ZNF212: variants seen among roughly 807,000 people sequenced by gnomAD.
The protein encoded by ZNF212 is Zinc finger protein C2H2-150.
Under a neutral mutation model 47.3 loss-of-function variants are expected in ZNF212, and 32 were observed. That is an observed-to-expected ratio of 0.68 (90% CI 0.51 to 0.91). The LOEUF (loss-of-function observed/expected upper bound fraction) is 0.91, where lower values mean the gene tolerates loss of function less well. ZNF212 is among the 40% of genes least tolerant of loss of function. ZNF212 has a pLI of 0.00. For missense variants in ZNF212, 555 were observed against 622.8 expected, an observed-to-expected ratio of 0.89 and a Z score of 1.16; for synonymous variants, 242 against 253.8, an observed-to-expected ratio of 0.95 and a Z score of 0.44.
In ZNF212 at chr7:149,250,156, C is replaced by G; in HGVS notation, c.25-3C>G. On this transcript the variant is annotated splice_polypyrimidine_tract_variant and splice_region_variant and intron_variant, in intron 1 of 4. Coordinates refer to ENST00000335870, the MANE Select transcript of ZNF212 (RefSeq NM_012256.4). ...CATTGACCCTGTGTCTTTAATCCAT[C>G]AGCACAGGAGAAAACGACGCTCCAC... 6.6e-7 allele frequency: 1 copy of G among 1,514,482 alleles called. No homozygotes were observed. The highest frequency in any genetic ancestry group is 8.8e-7 in the Non-Finnish European group (1 of 1,134,236). The allele number at this position is 1,514,482 out of a possible 1,614,324, so 93.8% of individuals were successfully genotyped here. A position where few individuals can be genotyped will look rare whatever the true frequency, so the allele number is the denominator to read the frequency against.
At chr7:149,252,504 A>G (rs1181405052) in intron 3 of ZNF212, among the ~76,000 whole-genome samples, 1 of 152,218 alleles carries the variant, frequency 6.6e-6, no homozygotes, top group Non-Finnish European at 1.5e-5. Flanking sequence ...GGAGCACTGG[A>G]GGCAGCAGCT....
In ZNF212 at chr7:149,254,004, GA is replaced by G. The variant is rs1563189982; in HGVS notation, c.1080del (p.Lys360AsnfsTer16). 1 of 1,613,436 alleles carries G rather than the reference GA, an allele frequency of 6.2e-7. No homozygotes were observed. The highest frequency in any genetic ancestry group is 1.3e-5 in the African/African-American group (1 of 75,054). On this transcript the variant is annotated frameshift_variant, in exon 5 of 5. Transcript: ENST00000335870. LOFTEE classifies it high-confidence loss of function. This position sits in a 1 kb window ranked among gnomAD's most constrained non-coding sequence, Gnocchi z 4.5. ...AGAGCCTTAGGCCCAGGCCACGGCT[GA>G]AACCACAGACCAAAAAGGCCAAGCT... ...EESLRPRPRL[K>X]PQTKKAKLHQ...
intron 1 of ZNF212, among the ~76,000 whole-genome samples, chr7:149,240,454 G>C (rs978148338): frequency 1.3e-5 from 2 of 150,054 alleles, no homozygotes; most frequent in Non-Finnish European, 3.0e-5. Flanking sequence ...ACGGAGTTTG[G>C]TGTGAGGAAA....
chr7:149,249,653 G>C (rs536220941), intron 1 of ZNF212, among the ~76,000 whole-genome samples: 1 of 151,928 alleles, frequency 6.6e-6, no homozygotes, highest in Admixed American at 6.6e-5. Context: ...TTTGAGACAG[G>C]GTCTCACTCT....
chr7:149,250,120 T>G, intron 1 of ZNF212, 39 bp from the exon 2 acceptor site: 2 of 1,471,592 alleles, frequency 1.4e-6, no homozygotes, highest in Non-Finnish European at 9.0e-7. Flanking sequence ...TTACTTGATG[T>G]TTGGAAGTGA....
At chr7:149,252,636 C>A in intron 3 of ZNF212, 70 bp from the exon 4 acceptor site, 3 of 1,423,198 alleles carry the variant, frequency 2.1e-6, no homozygotes, top group Non-Finnish European at 3.0e-6. Context: ...ATCTTGGTCA[C>A]TGGCAGCTGA....
At position 149,254,343 on chromosome 7, in the gene ZNF212, G is replaced by T. The variant is rs747485054; in HGVS notation, c.1416G>T (p.Gln472His). ...KSFVQKQHLL[Q>H]HQKIHQRERG... ...TTGTCCAGAAGCAGCACCTCCTGCA[G>T]CACCAGAAGATCCACCAGCGGGAGC... is the stretch of plus-strand genomic sequence containing the variant. Residue 472 changes from glutamine to histidine, a missense_variant, in exon 5 of 5, where the codon CAG becomes CAT. Physicochemically the swap from Gln to His is conservative, Grantham distance 24 (BLOSUM62 0). Coordinates refer to ENST00000335870, the MANE Select transcript of ZNF212 (RefSeq NM_012256.4). This position sits in a 1 kb window ranked among gnomAD's most constrained non-coding sequence, Gnocchi z 4.5. 1 of 1,612,322 alleles carries T rather than the reference G, an allele frequency of 6.2e-7. No individual in the cohort carries two copies.
At chr7:149,245,860 T>A (rs1303616830) in intron 1 of ZNF212, among the ~76,000 whole-genome samples, 1 of 152,146 alleles carries the variant, frequency 6.6e-6, no homozygotes, top group Admixed American at 6.5e-5. Flanking sequence ...TGACTTGAAA[T>A]TTTTCTTCCC....
chr7:149,254,249 A>G lies in ZNF212; in HGVS notation c.1322A>G (p.Asp441Gly), dbSNP rs200136329. The stretch of plus-strand genomic sequence containing the variant: ...GGCAAGAGCTTCAGTCACCCATCTG[A>G]CTTGGTGCGGCACCAGCGCATCCAC... ...YCGKSFSHPS[D>G]LVRHQRIHTG... The change falls in exon 5 of 5, where the codon GAC (aspartate) becomes GGC (glycine). Residue 441 changes from aspartate to glycine, a missense_variant. Coordinates refer to ENST00000335870, the MANE Select transcript of ZNF212 (RefSeq NM_012256.4). The surrounding 1 kb of genome is among the most constrained non-coding windows in gnomAD (Gnocchi z 4.5). 6.2e-7 allele frequency: 1 copy of G among 1,614,240 alleles called. No individual in the cohort carries two copies. The highest frequency in any genetic ancestry group is 1.7e-5 in the Admixed American group (1 of 60,034).
rs1438913181 is a variant in ZNF212 at position 149,253,687 on chromosome 7, G to T, written c.760G>T (p.Gly254Cys). Reference sequence around the variant, plus strand: ...CCCAGAGCAGACCGAACTCTGGGGTGGTCAGGGCAGTTCTGTCCTCTTGGA... The same window carrying T: ...CCCAGAGCAGACCGAACTCTGGGGTTGTCAGGGCAGTTCTGTCCTCTTGGA... Reference protein sequence around the residue: ...LSPEQTELWGGQGSSVLLETG... With the variant: ...LSPEQTELWGCQGSSVLLETG... Residue 254 changes from glycine (G) to cysteine (C), a missense_variant, in exon 5 of 5, where the codon GGT becomes TGT. Gly to Cys is a radical substitution (Grantham distance 159). Coordinates refer to ENST00000335870, the MANE Select transcript of ZNF212 (RefSeq NM_012256.4). 1 of 1,614,030 alleles carries T rather than the reference G, an allele frequency of 6.2e-7. No individual in the cohort carries two copies. Among genetic ancestry groups the T allele is most frequent in the Non-Finnish European group, 8.5e-7 (1 of 1,180,038 alleles).
At chr7:149,248,619 C>T (rs989954585) in intron 1 of ZNF212, among the ~76,000 whole-genome samples, 1 of 152,168 alleles carries the variant, frequency 6.6e-6, no homozygotes, top group African/African-American at 2.4e-5. Flanking sequence ...ACCTACATTC[C>T]TGTCTAGAAA....
intron 1 of ZNF212, among the ~76,000 whole-genome samples, chr7:149,243,715 C>T (rs750386912): frequency 1.4e-4 from 22 of 152,028 alleles, no homozygotes; most frequent in Non-Finnish European, 2.6e-4. Context: ...GACAGAATTG[C>T]GAGAAAGATT....
At position 149,239,936 on chromosome 7, in the gene ZNF212, G is replaced by A. The variant is rs1234443221; in HGVS notation, c.24+134G>A. On this transcript the variant is annotated intron_variant, in intron 1 of 4. Transcript: ENST00000335870. ...GGCTGCCGTTGGCGCGGGTGAACGCGGACCCTCCTCTTCGCGACCCCAGTG... is the reference window on the plus strand; with the variant it reads ...GGCTGCCGTTGGCGCGGGTGAACGCAGACCCTCCTCTTCGCGACCCCAGTG... The A allele has an allele frequency of 5.7e-6, 6 of 1,057,260 alleles. No homozygotes were observed. The African/African-American group carries it at 6.6e-5, about 12-fold the overall frequency. 65.5% of individuals were successfully genotyped at this position (1,057,260 alleles called of 1,614,324 possible). A position where few individuals can be genotyped will look rare whatever the true frequency, so the allele number is the denominator to read the frequency against.
chr7:149,240,382 A>G, intron 1 of ZNF212, among the ~76,000 whole-genome samples: 1 of 109,436 alleles, frequency 9.1e-6, no homozygotes, highest in Non-Finnish European at 1.9e-5. Context: ...TCTCTCCTTC[A>G]CCCCCCCCCC....
chr7:149,247,541 A>G (rs1475954592), intron 1 of ZNF212, among the ~76,000 whole-genome samples: 2 of 152,252 alleles, frequency 1.3e-5, no homozygotes, highest in Non-Finnish European at 1.5e-5. Context: ...CTTCTAAGCT[A>G]TATAGGAAAA....
At chr7:149,243,093 G>T (rs1345760659) in intron 1 of ZNF212, among the ~76,000 whole-genome samples, 1 of 152,146 alleles carries the variant, frequency 6.6e-6, no homozygotes, top group Non-Finnish European at 1.5e-5. Context: ...CAACTAGATG[G>T]TTTAAAAGAG....
intron 4 of ZNF212, among the ~76,000 whole-genome samples, chr7:149,253,208 A>T (rs1043753407): frequency 3.3e-5 from 5 of 151,886 alleles, no homozygotes; most frequent in Non-Finnish European, 7.4e-5. Flanking sequence ...TTTGTCTTTA[A>T]TCATTCAAAT....
At chr7:149,244,506 G>C (rs2129524212) in intron 1 of ZNF212, among the ~76,000 whole-genome samples, 1 of 151,654 alleles carries the variant, frequency 6.6e-6, no homozygotes, top group East Asian at 2.0e-4. Flanking sequence ...GTAGAGATGG[G>C]GTTTCACCAT....
intron 1 of ZNF212, among the ~76,000 whole-genome samples, chr7:149,240,539 G>T (rs1330965746): frequency 6.6e-6 from 1 of 152,136 alleles, no homozygotes; most frequent in East Asian, 1.9e-4. Flanking sequence ...GCTTCTCTGG[G>T]TCTCTTTCGT....
Sources: allele counts gnomAD v4.1 joint callset (sites outside exome capture counted in the v4.1 genomes callset), GRCh38; gene constraint gnomAD v4.1.1; non-coding constraint Gnocchi (gnomAD v3.1); transcripts MANE v1.5; gene names NCBI Gene and HGNC (gene_info 2026-07-23, HGNC 2026-07-21).